The following SPAG16 variants were observed in gnomAD, a reference collection of about 807,000 sequenced individuals.
SPAG16 encodes the protein sperm associated antigen 16, also known as sperm-associated antigen 16 protein.
Under a neutral mutation model 80.4 loss-of-function variants are expected in SPAG16, and 86 were observed. The ratio of observed to expected loss-of-function variants is 1.07; its 90% CI spans 0.90 to 1.28. SPAG16 has a LOEUF of 1.28. SPAG16 is among the 50% of genes most tolerant of loss of function. The pLI, the probability that SPAG16 is intolerant of heterozygous loss-of-function variation, is 0.00. For missense variants in SPAG16, 870 were observed against 765.3 expected (o/e 1.14, Z -1.61); for synonymous variants, 294 against 265.9 (o/e 1.11, Z -1.03).
At chr2:213,836,472 T>C (rs1435650202) in intron 10 of SPAG16, among the ~76,000 whole-genome samples, 2 of 152,134 alleles carry the variant, frequency 1.3e-5, no homozygotes, top group African/African-American at 4.8e-5. Context: ...TTGGTTGTTA[T>C]GATGCTTTAG....
At chr2:213,480,917 T>C (rs1049930327) in intron 9 of SPAG16, among the ~76,000 whole-genome samples, 4 of 152,218 alleles carry the variant, frequency 2.6e-5, no homozygotes, top group Non-Finnish European at 5.9e-5. Context: ...ATAATATTTA[T>C]TAAATTGTAA....
chr2:213,973,591 G>A (rs1280737505), intron 12 of SPAG16, among the ~76,000 whole-genome samples: 4 of 151,684 alleles, frequency 2.6e-5, no homozygotes, highest in East Asian at 1.9e-4. Flanking sequence ...GGATAAGGGC[G>A]AGTAAGAATG....
chr2:214,271,748 C>A (rs569480753), intron 15 of SPAG16, among the ~76,000 whole-genome samples: 2 of 151,556 alleles, frequency 1.3e-5, no homozygotes, highest in Non-Finnish European at 2.9e-5. Context: ...TGCAGTGAGC[C>A]GACATTGTGC....
At chr2:214,135,544 G>C (rs1559833112) in intron 14 of SPAG16, among the ~76,000 whole-genome samples, 1 of 152,134 alleles carries the variant, frequency 6.6e-6, no homozygotes, top group East Asian at 1.9e-4. Context: ...CCAGTGTAAT[G>C]GTGTTGGAAG....
chr2:214,319,678 T>C (rs1356316379), intron 15 of SPAG16, among the ~76,000 whole-genome samples: 1 of 152,138 alleles, frequency 6.6e-6, no homozygotes, highest in Non-Finnish European at 1.5e-5. Context: ...GACCACAATA[T>C]TTTCTTGAAG....
intron 15 of SPAG16, among the ~76,000 whole-genome samples, chr2:214,269,388 C>G (rs896003963): frequency 5.3e-5 from 8 of 151,866 alleles, no homozygotes; most frequent in African/African-American, 1.2e-4. Context: ...TGGACATATG[C>G]CTATTCTTTG....
intron 11 of SPAG16, among the ~76,000 whole-genome samples, chr2:213,916,345 T>C (rs865870602): frequency 1.3e-5 from 2 of 152,238 alleles, no homozygotes; most frequent in African/African-American, 2.4e-5. Context: ...TAGCCAGTTT[T>C]CCCAACATCA....
chr2:213,796,837 CTA>C (rs978740024), intron 10 of SPAG16, among the ~76,000 whole-genome samples: 1 of 151,786 alleles, frequency 6.6e-6, no homozygotes, highest in Non-Finnish European at 1.5e-5. Context: ...AAAAAGTTAA[CTA>C]TAAAATAGTC....
chr2:213,944,626 T>C (rs929653581), intron 12 of SPAG16, among the ~76,000 whole-genome samples: 4 of 152,178 alleles, frequency 2.6e-5, no homozygotes, highest in African/African-American at 9.6e-5. Flanking sequence ...AACATTTCTG[T>C]TGGCATGGAA....
intron 10 of SPAG16, among the ~76,000 whole-genome samples, chr2:213,499,689 T>C (rs1467958524): frequency 6.6e-6 from 1 of 152,190 alleles, no homozygotes; most frequent in Non-Finnish European, 1.5e-5. Flanking sequence ...TCTGTGCATA[T>C]AGGGTAGCTA....
At chr2:213,317,795 T>C (rs1262603180) in intron 5 of SPAG16, 4 of 909,576 alleles carry the variant, frequency 4.4e-6, no homozygotes, top group East Asian at 2.3e-4. Context: ...GGACTTTGGG[T>C]GATAATGATA....
chr2:213,776,224 T>G (rs1339928306), intron 10 of SPAG16, among the ~76,000 whole-genome samples: 1 of 152,172 alleles, frequency 6.6e-6, no homozygotes, highest in Non-Finnish European at 1.5e-5. Context: ...GTGGACCCAG[T>G]CTAATCATAG....
In SPAG16 at chr2:213,735,155, C is replaced by A. The variant is rs150925910; in HGVS notation, c.1071-127330C>A. Among the ~76,000 whole-genome samples, 26 of 152,194 alleles carry A rather than the reference C, an allele frequency of 1.7e-4. No homozygotes were observed. In the East Asian group the frequency reaches 5.0e-3, roughly 29 times the overall value. On this transcript the variant is annotated intron_variant, in intron 10 of 15. Coordinates refer to ENST00000331683, the MANE Select transcript of SPAG16 (RefSeq NM_024532.5). ...ATTATCCTAGTTGAGAATGCATGCC[C>A]TATTTGATTAATAATAATGGTTATC...
At chr2:213,991,079 C>T (rs561633480) in intron 12 of SPAG16, among the ~76,000 whole-genome samples, 20 of 151,974 alleles carry the variant, frequency 1.3e-4, no homozygotes, top group South Asian at 1.2e-3. Context: ...TAGGTATACA[C>T]GTGCCATGGT....
chr2:213,390,171 A>G (rs1356934804), intron 9 of SPAG16, among the ~76,000 whole-genome samples: 1 of 152,186 alleles, frequency 6.6e-6, no homozygotes, highest in African/African-American at 2.4e-5. Flanking sequence ...TATATGAGGT[A>G]CTTTGAGTGG....
At chr2:213,808,363 C>T (rs564968459) in intron 10 of SPAG16, among the ~76,000 whole-genome samples, 7 of 152,122 alleles carry the variant, frequency 4.6e-5, no homozygotes, top group Admixed American at 2.0e-4. Context: ...TACAAGCAAA[C>T]GAGAACATTT....
intron 10 of SPAG16, among the ~76,000 whole-genome samples, chr2:213,715,266 A>ATCTATCTATCTATCTATCTGTCTG (rs3076744): frequency 8.0e-5 from 12 of 150,940 alleles, no homozygotes; most frequent in Non-Finnish European, 1.5e-4. Flanking sequence ...CTATCTATCT[A>ATCTATCTATCTATCTATCTGTCTG]TCCATTCATC....
intron 13 of SPAG16, among the ~76,000 whole-genome samples, chr2:214,049,059 C>T (rs983712474): frequency 1.3e-5 from 2 of 152,046 alleles, no homozygotes; most frequent in Admixed American, 6.6e-5. Context: ...CCTCAGCCTC[C>T]CAAGTAGCTA....
Position 213,923,332 on chromosome 2 carries a change from G to A in SPAG16, c.1215-6628G>A, listed in dbSNP as rs149408795. On this transcript the variant is annotated intron_variant, in intron 11 of 15. Coordinates refer to ENST00000331683, the MANE Select transcript of SPAG16 (RefSeq NM_024532.5). Reference sequence around the variant, plus strand: ...TGCCTACCTGGCTGCCAGTGGCAGTGTCAGGCAGCGTCGTGTGCCCTGCTG... The same window carrying A: ...TGCCTACCTGGCTGCCAGTGGCAGTATCAGGCAGCGTCGTGTGCCCTGCTG... 6.3e-3 allele frequency among the ~76,000 whole-genome samples: 963 copies of A among 152,298 alleles called. 6 individuals carry two copies. The highest frequency in any genetic ancestry group is 9.8e-3 in the Non-Finnish European group (668 of 68,022).
Sources: allele counts gnomAD v4.1 joint callset (sites outside exome capture counted in the v4.1 genomes callset), GRCh38; gene constraint gnomAD v4.1.1; transcripts MANE v1.5; gene names NCBI Gene and HGNC (gene_info 2026-07-23, HGNC 2026-07-21).